Variants in GOLGA1 observed in about 807,000 individuals in gnomAD.
GOLGA1 encodes the protein golgin subfamily A member 1.
In GOLGA1, 63 loss-of-function variants were observed where a neutral mutation model predicts 119.7. The ratio of observed to expected loss-of-function variants is 0.53; its 90% CI spans 0.43 to 0.65. The LOEUF (loss-of-function observed/expected upper bound fraction) is 0.65. Ranked by LOEUF, GOLGA1 falls within the 30% of genes least tolerant of loss-of-function variation. GOLGA1 has a pLI of 0.00. For missense variants in GOLGA1, 798 were observed against 912.8 expected, an observed-to-expected ratio of 0.87 and a Z score of 1.62; for synonymous variants, 318 against 333.4, an observed-to-expected ratio of 0.95 and a Z score of 0.50.
chr9:124,925,912 T>TA (rs1370473748), intron 7 of GOLGA1, among the ~76,000 whole-genome samples: 1 of 152,216 alleles, frequency 6.6e-6, no homozygotes, highest in African/African-American at 2.4e-5. Flanking sequence ...AAGGTACCTG[T>TA]ACGGTGTTAT....
rs778079374 is a variant in GOLGA1, at chr9:124,881,847, G to A, written c.2073C>T (p.Arg691=). 3.7e-6 allele frequency: 6 copies of A among 1,612,836 alleles called. No individual in the cohort carries two copies. Among genetic ancestry groups the A allele is most frequent in the African/African-American group, 2.7e-5 (2 of 74,986 alleles). ...GTTTAAGGTACTCAAAGTTGATCTCGCGGGCATCTGTCAGGTCAGTGTTAT... is the reference window on the plus strand; with the variant it reads ...GTTTAAGGTACTCAAAGTTGATCTCACGGGCATCTGTCAGGTCAGTGTTAT... ...VTNNTDLTDA[R]EINFEYLKHV... is the part of the protein sequence containing the mutation. The change falls in exon 21 of 23, where the codon CGC becomes CGT. Residue 691 remains arginine, a synonymous_variant. Transcript: ENST00000373555. The surrounding 1 kb of genome is among the most constrained non-coding windows in gnomAD (Gnocchi z 4.9).
At chr9:124,914,432 C>T (rs1344853323) in intron 10 of GOLGA1, among the ~76,000 whole-genome samples, 2 of 151,820 alleles carry the variant, frequency 1.3e-5, no homozygotes, top group Admixed American at 6.6e-5. Context: ...ACCTGGGAGG[C>T]GGAGCTTGCA....
At chr9:124,943,925 C>A (rs1324854801), upstream of GOLGA1, 2 of 152,160 alleles carry the variant, frequency 1.3e-5, no homozygotes, top group African/African-American at 2.4e-5. Context: ...TTAATGAAAT[C>A]ACTATTTATA....
At position 124,889,093 on chromosome 9, in the gene GOLGA1, C is replaced by T. The variant is rs1184452633; in HGVS notation, c.1761+50G>A. ...TGCCTCCTTAGGGGCACTCTCGGCACCTGCCCTGCATCTTGCTGTAGCACC... is the reference window on the plus strand; with the variant it reads ...TGCCTCCTTAGGGGCACTCTCGGCATCTGCCCTGCATCTTGCTGTAGCACC... On this transcript the variant is annotated intron_variant, in intron 18 of 22. Transcript: ENST00000373555. 4 of 1,487,410 alleles carry T rather than the reference C, an allele frequency of 2.7e-6. No homozygotes were observed. The South Asian group carries it at 4.9e-5, about 18-fold the overall frequency. The allele number at this position is 1,487,410 out of a possible 1,614,324, so 92.1% of individuals were successfully genotyped here. A position where few individuals can be genotyped will look rare whatever the true frequency, so the allele number is the denominator to read the frequency against.
upstream of GOLGA1, among the ~76,000 whole-genome samples, chr9:124,942,211 AGT>A (rs1158464454): frequency 1.6e-4 from 24 of 152,146 alleles, no homozygotes; most frequent in Non-Finnish European, 3.4e-4. Context: ...TGTAGGTTGC[AGT>A]GAGTCAAGAT....
At chr9:124,893,719 A>G (rs774253966) in intron 15 of GOLGA1, among the ~76,000 whole-genome samples, 5 of 152,106 alleles carry the variant, frequency 3.3e-5, no homozygotes, top group Non-Finnish European at 7.4e-5. Flanking sequence ...TAAACTCCAA[A>G]TTTTATTCCC....
Position 124,888,501 on chromosome 9 carries a change from T to C in GOLGA1, c.1762-105A>G. ...AGACTCGTCCCTTAGGTATGGGCGT[T>C]GTGCTCCAACAGGCAACTGGCCAGG... is the stretch of plus-strand genomic sequence containing the variant. On this transcript the variant is annotated intron_variant, in intron 18 of 22. Transcript: ENST00000373555. This position sits in a 1 kb window ranked among gnomAD's most constrained non-coding sequence, Gnocchi z 4.4. The C allele has an allele frequency of 1.0e-6, 1 of 1,001,692 alleles. No homozygotes were observed. Among genetic ancestry groups the C allele is most frequent in the Non-Finnish European group, 1.5e-6 (1 of 658,428 alleles). The allele number at this position is 1,001,692 out of a possible 1,614,324, so 62.1% of individuals were successfully genotyped here. A position where few individuals can be genotyped will look rare whatever the true frequency, so the allele number is the denominator to read the frequency against.
At chr9:124,907,790 C>T (rs1332990110) in intron 12 of GOLGA1, among the ~76,000 whole-genome samples, 2 of 152,176 alleles carry the variant, frequency 1.3e-5, no homozygotes, top group African/African-American at 2.4e-5. Flanking sequence ...ATTGTAAAGG[C>T]TTGGAAATGC....
chr9:124,905,819 A>G, intron 12 of GOLGA1, among the ~76,000 whole-genome samples: 1 of 152,136 alleles, frequency 6.6e-6, no homozygotes, highest in Non-Finnish European at 1.5e-5. Context: ...GAAATAACCA[A>G]TTATAAATAT....
In GOLGA1 at chr9:124,880,557, G is replaced by GATAGAC; in HGVS notation, c.2271_2276dup (p.Ser758_Ile759insMetSer). The GATAGAC allele has an allele frequency of 6.2e-7, 1 of 1,609,438 alleles. No individual in the cohort carries two copies. The highest frequency in any genetic ancestry group is 8.5e-7 in the Non-Finnish European group (1 of 1,175,816). ...AGGACCATGGTATCCGAGGGTTTGAGATAGACGGCCGGATGCTGCCCTTGG... is the reference window on the plus strand; with the variant it reads ...AGGACCATGGTATCCGAGGGTTTGAGATAGACATAGACGGCCGGATGCTGCCCTTGG... On this transcript the variant is annotated inframe_insertion, in exon 23 of 23. Coordinates refer to ENST00000373555, the MANE Select transcript of GOLGA1 (RefSeq NM_002077.4).
chr9:124,940,746 G>A (rs1830994672), intron 1 of GOLGA1, among the ~76,000 whole-genome samples: 1 of 152,190 alleles, frequency 6.6e-6, no homozygotes, highest in African/African-American at 2.4e-5. Flanking sequence ...TAGAGAGGAG[G>A]AGCGACTTGT....
intron 7 of GOLGA1, among the ~76,000 whole-genome samples, chr9:124,925,693 C>A (rs2131504259): frequency 6.6e-6 from 1 of 152,176 alleles, no homozygotes; most frequent in Non-Finnish European, 1.5e-5. Context: ...CCAGCCTGGG[C>A]AACAGAACAA....
chr9:124,921,659 G>A, intron 9 of GOLGA1, 64 bp downstream of exon 9: 2 of 1,253,412 alleles, frequency 1.6e-6, no homozygotes, highest in Non-Finnish European at 2.3e-6. Context: ...GGGAAAGGTG[G>A]GCAGGCTATA....
At chr9:124,883,781 A>G (rs2131361161) in intron 19 of GOLGA1, among the ~76,000 whole-genome samples, 1 of 150,172 alleles carries the variant, frequency 6.7e-6, no homozygotes, top group East Asian at 2.0e-4. Flanking sequence ...GCATCTCACT[A>G]TGTTGCCCAG....
chr9:124,933,093 C>A (rs1397112641), intron 3 of GOLGA1, among the ~76,000 whole-genome samples: 1 of 152,088 alleles, frequency 6.6e-6, no homozygotes, highest in Non-Finnish European at 1.5e-5. Context: ...CACTACTGTG[C>A]TAAGCACTAG....
intron 6 of GOLGA1, 25 bp from the exon 7 acceptor site, chr9:124,926,766 T>C (rs745990462): frequency 6.9e-7 from 1 of 1,444,894 alleles, no homozygotes; most frequent in Non-Finnish European, 9.6e-7. Flanking sequence ...TAAAAAAGTA[T>C]GGTTTCCAGT....
At chr9:124,904,350 T>C (rs1159744878) in intron 12 of GOLGA1, among the ~76,000 whole-genome samples, 1 of 152,092 alleles carries the variant, frequency 6.6e-6, no homozygotes, top group Non-Finnish European at 1.5e-5. Context: ...GTTTTGGAGA[T>C]GGATGGTGGT....
At chr9:124,927,618 G>C (rs1830699403) in intron 6 of GOLGA1, among the ~76,000 whole-genome samples, 1 of 152,006 alleles carries the variant, frequency 6.6e-6, no homozygotes, top group Non-Finnish European at 1.5e-5. Flanking sequence ...CTATTATTTT[G>C]AACAAAATAT....
At chr9:124,908,604 T>C (rs183676996) in intron 11 of GOLGA1, 132 bp from the exon 12 acceptor site, 73 of 645,686 alleles carry the variant, frequency 1.1e-4, no homozygotes, top group Non-Finnish European at 1.7e-4. Flanking sequence ...ATTCAGCTAA[T>C]TGAGAAATAA....
Sources: allele counts gnomAD v4.1 joint callset (sites outside exome capture counted in the v4.1 genomes callset), GRCh38; gene constraint gnomAD v4.1.1; non-coding constraint Gnocchi (gnomAD v3.1); transcripts MANE v1.5; gene names NCBI Gene and HGNC (gene_info 2026-07-23, HGNC 2026-07-21).